Variants in AASS observed in about 807,000 individuals in gnomAD.
The protein encoded by AASS is aminoadipate-semialdehyde synthase, also known as alpha-aminoadipic semialdehyde synthase, mitochondrial.
In AASS, 86 loss-of-function variants were observed where a neutral mutation model predicts 105.4. That is an observed-to-expected ratio of 0.82 (90% CI 0.69 to 0.98). AASS has a LOEUF of 0.98. Among genes scored for constraint, AASS ranks in the 50% least tolerant of loss-of-function variants. The pLI, the probability that AASS is intolerant of heterozygous loss-of-function variation, is 0.00. For synonymous variants in AASS, 381 were observed against 394.8 expected, an observed-to-expected ratio of 0.96 and a Z score of 0.41; for missense variants, 1,048 against 1,143.2, an observed-to-expected ratio of 0.92 and a Z score of 1.20.
At position 122,115,263 on chromosome 7, in the gene AASS, C is replaced by T; in HGVS notation, c.895-41G>A. On this transcript the variant is annotated intron_variant, in intron 8 of 23. Coordinates refer to ENST00000417368, the MANE Select transcript of AASS (RefSeq NM_005763.4). ...CAGGTTCAAGAAAATAGAAAATAGC[C>T]TATTTTAATACAGTATACTGAAAGA... The T allele has an allele frequency of 2.5e-6, 4 of 1,608,250 alleles. No individual in the cohort carries two copies. The South Asian group carries it at 3.3e-5, about 13-fold the overall frequency.
At chr7:122,137,285 G>T (rs1443530005) in intron 1 of AASS, among the ~76,000 whole-genome samples, 1 of 152,154 alleles carries the variant, frequency 6.6e-6, no homozygotes, top group Admixed American at 6.5e-5. Flanking sequence ...CTTTTAAGCA[G>T]AAGCAGGATT....
At chr7:122,122,005 A>G (rs562984435) in intron 4 of AASS, among the ~76,000 whole-genome samples, 2 of 152,288 alleles carry the variant, frequency 1.3e-5, no homozygotes, top group East Asian at 3.9e-4. Flanking sequence ...ACTTTCTGCT[A>G]GCTTAAACTG....
At chr7:122,108,974 C>G (rs1794803940) in intron 11 of AASS, among the ~76,000 whole-genome samples, 1 of 151,862 alleles carries the variant, frequency 6.6e-6, no homozygotes, top group South Asian at 2.1e-4. Context: ...AATGCAAAAT[C>G]AACATACAAA....
chr7:122,136,227 A>C (rs181498120), intron 1 of AASS, among the ~76,000 whole-genome samples: 23 of 152,312 alleles, frequency 1.5e-4, no homozygotes, highest in African/African-American at 5.5e-4. Context: ...CCAAACAATT[A>C]AGCATACAAG....
In AASS at chr7:122,101,390, G is replaced by A. The variant is rs1210884316; in HGVS notation, c.1387C>T (p.Gln463Ter). ...GTLPDKYKYI[Q>*]TLRESRERAQ... ...ACTTACCTGCTCTCCCGGAGTGTCT[G>A]GATATATTTATATTTATCAGGTAAT... The change falls in exon 13 of 24, where the codon CAG becomes TAG. Residue 463 changes from glutamine (Q) to a stop codon, truncating the protein, a stop_gained. Transcript: ENST00000417368. LOFTEE classifies it high-confidence loss of function. The A allele has an allele frequency of 2.5e-6, 4 of 1,609,064 alleles. No homozygotes were observed. The South Asian group carries it at 3.3e-5, about 13-fold the overall frequency.
Position 122,086,009 on chromosome 7 carries a change from T to C in AASS, c.2184+3A>G, listed in dbSNP as rs776317892. On this transcript the variant is annotated splice_donor_region_variant and intron_variant, in intron 19 of 23. Transcript: ENST00000417368. ...ATGTTGAATCTAAAGTCCAGCTGCT[T>C]ACCTTATATCTCAGTGTCCCCCGCA... is the stretch of plus-strand genomic sequence containing the variant. 3 of 1,613,424 alleles carry C rather than the reference T, an allele frequency of 1.9e-6. No homozygotes were observed. The Admixed American group carries it at 5.0e-5, about 27-fold the overall frequency.
At chr7:122,099,206 G>A (rs186831625) in intron 13 of AASS, among the ~76,000 whole-genome samples, 1 of 151,892 alleles carries the variant, frequency 6.6e-6, no homozygotes, top group Non-Finnish European at 1.5e-5. Flanking sequence ...TGAGTAACTT[G>A]GTCTCACATT....
intron 3 of AASS, among the ~76,000 whole-genome samples, chr7:122,127,872 C>A (rs279707): frequency 6.6e-6 from 1 of 151,964 alleles, no homozygotes; most frequent in Admixed American, 6.6e-5. Context: ...CAGGAGAAGC[C>A]GCCCTCCTGA....
chr7:122,128,587 C>T (rs1795763951), intron 3 of AASS, among the ~76,000 whole-genome samples: 1 of 152,152 alleles, frequency 6.6e-6, no homozygotes, highest in Non-Finnish European at 1.5e-5. Context: ...CTGTCTCCTC[C>T]CACTAGAATG....
intron 18 of AASS, among the ~76,000 whole-genome samples, chr7:122,091,340 C>G (rs968551391): frequency 6.6e-6 from 1 of 152,162 alleles, no homozygotes; most frequent in Non-Finnish European, 1.5e-5. Context: ...GAATTTCATT[C>G]TCTGTGACAG....
chr7:122,116,821 A>C, intron 7 of AASS, 58 bp downstream of exon 7: 1 of 1,612,098 alleles, frequency 6.2e-7, no homozygotes, highest in Non-Finnish European at 8.5e-7. Flanking sequence ...TATGGTGATA[A>C]AATATTATAA....
In AASS at chr7:122,074,654, C is replaced by A. The variant is rs949639081; in HGVS notation, c.*1835G>T. Among the ~76,000 whole-genome samples, 1 of 152,042 alleles carries A rather than the reference C, an allele frequency of 6.6e-6. No homozygotes were observed. The highest frequency in any genetic ancestry group is 2.4e-5 in the African/African-American group (1 of 41,394). On this transcript the variant is annotated 3_prime_UTR_variant, in exon 24 of 24. Transcript: ENST00000417368. ...TCAACTTTGAGTTAATTTTTATATG[C>A]AATATGAGGTAGGAGTCCAATTTCA...
intron 20 of AASS, among the ~76,000 whole-genome samples, chr7:122,080,384 G>T (rs932098894): frequency 1.3e-5 from 2 of 152,086 alleles, no homozygotes; most frequent in African/African-American, 2.4e-5. Context: ...AGAACTGAGT[G>T]GTACTGACAG....
At chr7:122,081,709 A>G (rs1464761736) in intron 19 of AASS, 114 bp from the exon 20 acceptor site, 1 of 741,882 alleles carries the variant, frequency 1.3e-6, no homozygotes, top group South Asian at 1.6e-5. Flanking sequence ...AACTGTTTAT[A>G]TTGATGATAT....
chr7:122,088,620 G>C lies in AASS; in HGVS notation c.2017-2441C>G, dbSNP rs1212657453. On this transcript the variant is annotated intron_variant, in intron 18 of 23. Coordinates refer to ENST00000417368, the MANE Select transcript of AASS (RefSeq NM_005763.4). ...AAAGTTGCATAAAGAATTGGTACAGGCAAAGGAAGATAGTGGTAGCTCTTG... is the reference window on the plus strand; with the variant it reads ...AAAGTTGCATAAAGAATTGGTACAGCCAAAGGAAGATAGTGGTAGCTCTTG... 2.0e-5 allele frequency among the ~76,000 whole-genome samples: 3 copies of C among 152,272 alleles called. No individual in the cohort carries two copies. In the East Asian group the frequency reaches 5.8e-4, roughly 29 times the overall value.
At chr7:122,129,087 T>A (rs1297700276) in intron 3 of AASS, among the ~76,000 whole-genome samples, 1 of 151,890 alleles carries the variant, frequency 6.6e-6, no homozygotes, top group South Asian at 2.1e-4. Context: ...CAAAAAAAAA[T>A]CCCATCTGAA....
At chr7:122,080,367 C>G (rs755790498) in intron 20 of AASS, among the ~76,000 whole-genome samples, 4 of 152,126 alleles carry the variant, frequency 2.6e-5, no homozygotes, top group Non-Finnish European at 4.4e-5. Flanking sequence ...TATGTATCGT[C>G]TATGGGAGAA....
rs149832034 is a variant in AASS at position 122,115,125 on chromosome 7, G to A, written c.992C>T (p.Pro331Leu). 574 of 1,614,122 alleles carry A rather than the reference G, an allele frequency of 3.6e-4. 5 individuals are homozygous for A. Among genetic ancestry groups the A allele is most frequent in the Admixed American group, 1.2e-4 (7 of 60,012 alleles). ...CACACCAGCAGGTGAGAACTTGCCC[G>A]GAGCCAGGAGACTCTGAGCATCTTG... ...TRQDAQSLLA[P>L]GKFSPAGVEG... Residue 331 changes from proline to leucine, a missense_variant, in exon 9 of 24, where the codon CCG becomes CTG. Coordinates refer to ENST00000417368, the MANE Select transcript of AASS (RefSeq NM_005763.4).
Position 122,086,131 on chromosome 7 carries a change from T to G in AASS, c.2065A>C (p.Met689Leu). 1 of 1,613,590 alleles carries G rather than the reference T, an allele frequency of 6.2e-7. No individual in the cohort carries two copies. Residue 689 changes from methionine to leucine, a missense_variant, in exon 19 of 24, where the codon ATG becomes CTG. Transcript: ENST00000417368. ...GISFLDAVTSMDFFPGLNLEG... is the reference protein window; with the variant it reads ...GISFLDAVTSLDFFPGLNLEG... ...AAATTTAATCCTGGAAAAAAATCCATGGACGTAACGGCATCAAGAAAGGAG... is the reference window on the plus strand; with the variant it reads ...AAATTTAATCCTGGAAAAAAATCCAGGGACGTAACGGCATCAAGAAAGGAG...
Sources: gnomAD v4.1 joint callset for allele counts (sites outside exome capture counted in the v4.1 genomes callset) on GRCh38, gnomAD v4.1.1 for gene constraint, MANE v1.5 for transcripts, NCBI Gene and HGNC (gene_info 2026-07-23, HGNC 2026-07-21) for gene names.